HERC5: variants seen among roughly 807,000 people sequenced by gnomAD.
The protein encoded by HERC5 is E3 ISG15--protein ligase HERC5.
Under a neutral mutation model 119.6 loss-of-function variants are expected in HERC5, and 99 were observed. The observed-to-expected ratio is 0.83, with a 90% CI of 0.70 to 0.98. The LOEUF is 0.98. HERC5 is among the 50% of genes least tolerant of loss of function. HERC5 has a pLI of 0.00. For missense variants in HERC5, 1,267 were observed against 1,241.3 expected, an observed-to-expected ratio of 1.02 and a Z score of -0.31; for synonymous variants, 478 against 445.9, an observed-to-expected ratio of 1.07 and a Z score of -0.91.
chr4:88,489,101 A>G, intron 15 of HERC5, 65 bp from the exon 16 acceptor site: 1 of 1,440,504 alleles, frequency 6.9e-7, no homozygotes, highest in Non-Finnish European at 9.5e-7. Context: ...TCTGCTTTCC[A>G]AATTTTTACT....
At chr4:88,489,102 A>G (rs1741554290) in intron 15 of HERC5, 64 bp from the exon 16 acceptor site, 4 of 1,445,060 alleles carry the variant, frequency 2.8e-6, no homozygotes, top group Middle Eastern at 1.8e-4. Context: ...CTGCTTTCCA[A>G]ATTTTTACTT....
chr4:88,494,356 A>G (rs1180439089), intron 18 of HERC5, 25 bp downstream of exon 18: 2 of 1,595,518 alleles, frequency 1.3e-6, no homozygotes, highest in African/African-American at 2.7e-5. Flanking sequence ...TTCCTGAGAA[A>G]GGACCCTTTC....
intron 8 of HERC5, 39 bp downstream of exon 8, chr4:88,468,461 T>C: frequency 7.1e-7 from 1 of 1,413,484 alleles, no homozygotes; most frequent in Non-Finnish European, 9.8e-7. Context: ...ACCTGGTATT[T>C]TAAGCAAAAC....
intron 20 of HERC5, among the ~76,000 whole-genome samples, chr4:88,503,910 C>T (rs1391641187): frequency 6.6e-6 from 1 of 151,780 alleles, no homozygotes; most frequent in African/African-American, 2.4e-5. Flanking sequence ...ACTAAAAATA[C>T]AAAAAAATTA....
chr4:88,490,251 A>G (rs900185198), intron 16 of HERC5, among the ~76,000 whole-genome samples: 17 of 152,064 alleles, frequency 1.1e-4, no homozygotes, highest in Admixed American at 7.9e-4. Flanking sequence ...CCTTATACCT[A>G]ATTTTTTAAC....
intron 17 of HERC5, 32 bp from the exon 18 acceptor site, chr4:88,494,133 T>A: frequency 6.9e-7 from 1 of 1,458,364 alleles, no homozygotes; most frequent in African/African-American, 1.4e-5. Flanking sequence ...TAAAAACTCA[T>A]AATACTTTAA....
At chr4:88,491,913 C>T (rs1741650986) in intron 16 of HERC5, among the ~76,000 whole-genome samples, 1 of 152,100 alleles carries the variant, frequency 6.6e-6, no homozygotes, top group Non-Finnish European at 1.5e-5. Context: ...TTGGTGTCAG[C>T]AGTAGGGGTG....
Position 88,471,343 on chromosome 4 carries a change from A to AT in HERC5, c.1298+683dup, listed in dbSNP as rs879833126. Among the ~76,000 whole-genome samples the AT allele has an allele frequency of 1.4e-3, 195 of 143,682 alleles. No individual in the cohort carries two copies. In the South Asian group the frequency reaches 0.016, roughly 12 times the overall value. 94.3% of individuals were successfully genotyped at this position (143,682 alleles called of 152,430 possible). ...ACATTTTATTCTATCTTTTTTGGTA[A>AT]TTTTTTTTTTTTTGAGACAAGGTCT... On this transcript the variant is annotated intron_variant, in intron 10 of 22. Transcript: ENST00000264350.
At position 88,485,012 on chromosome 4, in the gene HERC5, A is replaced by C. The variant is rs915537186; in HGVS notation, c.1738-1103A>C. Among the ~76,000 whole-genome samples the C allele has an allele frequency of 3.3e-5, 5 of 152,254 alleles. No homozygotes were observed. The South Asian group carries it at 8.3e-4, about 25-fold the overall frequency. On this transcript the variant is annotated intron_variant, in intron 13 of 22. Coordinates refer to ENST00000264350, the MANE Select transcript of HERC5 (RefSeq NM_016323.4). The stretch of plus-strand genomic sequence containing the variant: ...AAAATCTGCCATACTATTGAAAAAC[A>C]ATGGCTATTTTCAACAATTTTTAAA...
In HERC5 at chr4:88,460,132, A is replaced by G; in HGVS notation, c.427A>G (p.Ile143Val). The G allele has an allele frequency of 6.3e-7, 1 of 1,589,328 alleles. No individual in the cohort carries two copies. Among genetic ancestry groups the G allele is most frequent in the Non-Finnish European group, 8.6e-7 (1 of 1,160,032 alleles). ...TTTACAAGAAAAAAAAATAATTCAG[A>G]TCACATGTGGAGATTACCATTCTCT... ...SILQEKKIIQ[I>V]TCGDYHSLAL... Residue 143 changes from isoleucine to valine, a missense_variant, in exon 3 of 23, where the codon ATC becomes GTC. Transcript: ENST00000264350.
At chr4:88,476,642 C>T (rs894077619) in intron 12 of HERC5, among the ~76,000 whole-genome samples, 53 of 152,072 alleles carry the variant, frequency 3.5e-4, no homozygotes, top group Admixed American at 1.7e-3. Flanking sequence ...GGAATCTGGC[C>T]GGGCACGGTG....
intron 19 of HERC5, among the ~76,000 whole-genome samples, chr4:88,500,409 C>G (rs1741915106): frequency 6.6e-6 from 1 of 152,224 alleles, no homozygotes; most frequent in African/African-American, 2.4e-5. Flanking sequence ...ACATGGTGGC[C>G]TTAGGGTTAC....
rs577255722 is a variant in HERC5, at chr4:88,475,836, C to G, written c.1393-5C>G. The stretch of plus-strand genomic sequence containing the variant: ...TCCCTTTTCCCTGTTCCTTTCTGAC[C>G]ACAGATAACCACCTGCCTCAAAGAT... On this transcript the variant is annotated splice_polypyrimidine_tract_variant and splice_region_variant and intron_variant, in intron 11 of 22. Transcript: ENST00000264350. The G allele has an allele frequency of 3.1e-6, 5 of 1,613,160 alleles. No homozygotes were observed. The South Asian group carries it at 4.4e-5, about 14-fold the overall frequency.
intron 16 of HERC5, 37 bp from the exon 17 acceptor site, chr4:88,492,975 C>T: frequency 6.2e-7 from 1 of 1,605,178 alleles, no homozygotes; most frequent in Admixed American, 1.7e-5. Flanking sequence ...CAATATAGAG[C>T]CCTGGAAGTG....
At chr4:88,492,415 CTT>C (rs1741670128) in intron 16 of HERC5, among the ~76,000 whole-genome samples, 1 of 152,010 alleles carries the variant, frequency 6.6e-6, no homozygotes, top group African/African-American at 2.4e-5. Context: ...GTGGTAAAAA[CTT>C]TAGGCTCTGG....
At chr4:88,493,188 G>A (rs773452090) in intron 17 of HERC5, 33 bp downstream of exon 17, 2 of 1,607,742 alleles carry the variant, frequency 1.2e-6, no homozygotes, top group Non-Finnish European at 1.7e-6. Context: ...AAGGTATTTT[G>A]CGACAGAAAA....
intron 12 of HERC5, among the ~76,000 whole-genome samples, chr4:88,478,211 A>G (rs1741150898): frequency 6.6e-6 from 1 of 152,230 alleles, no homozygotes; most frequent in African/African-American, 2.4e-5. Flanking sequence ...AGAAAGTTAA[A>G]TTCTAAACTT....
chr4:88,476,191 TAAAATAGA>T (rs889516062), intron 12 of HERC5, among the ~76,000 whole-genome samples, 161 bp downstream of exon 12: 19 of 152,254 alleles, frequency 1.2e-4, no homozygotes, highest in African/African-American at 4.6e-4. Context: ...CATGGTCATC[TAAAATAGA>T]TTATTCTAAT....
chr4:88,504,220 GT>G lies in HERC5; in HGVS notation c.2583-8del. On this transcript the variant is annotated splice_polypyrimidine_tract_variant and intron_variant, in intron 20 of 22. Transcript: ENST00000264350. The stretch of plus-strand genomic sequence containing the variant: ...TTGCAGTAAGTGGAAATAACATTTT[GT>G]TTTATTAAAGGAGAGACTATGTTTC... 1 of 1,531,724 alleles carries G rather than the reference GT, an allele frequency of 6.5e-7. No individual in the cohort carries two copies. The highest frequency in any genetic ancestry group is 8.9e-7 in the Non-Finnish European group (1 of 1,117,794). 94.9% of individuals were successfully genotyped at this position (1,531,724 alleles called of 1,614,324 possible).
Sources: gnomAD v4.1 joint callset for allele counts (sites outside exome capture counted in the v4.1 genomes callset) on GRCh38, gnomAD v4.1.1 for gene constraint, MANE v1.5 for transcripts, NCBI Gene and HGNC (gene_info 2026-07-23, HGNC 2026-07-21) for gene names.